RAB38: variants seen among roughly 807,000 people sequenced by gnomAD.
The protein encoded by RAB38 is RAB38, member RAS oncogene family, also known as ras-related protein Rab-38.
In RAB38, 15 loss-of-function variants were observed where a neutral mutation model predicts 18.4. The ratio of observed to expected loss-of-function variants is 0.82; its 90% CI spans 0.55 to 1.26. The LOEUF is 1.26. Ranked by LOEUF, RAB38 falls within the 50% of genes most tolerant of loss-of-function variation. The pLI, the probability that RAB38 is intolerant of heterozygous loss-of-function variation, is 0.00. For synonymous variants in RAB38, 101 were observed against 104.4 expected (o/e 0.97, Z 0.20); for missense variants, 294 against 267.4 (o/e 1.10, Z -0.69).
the RAB38 span, among the ~76,000 whole-genome samples, chr11:88,067,289 C>T: frequency 0.77 from 116,311 of 151,364 alleles, 44,831 homozygotes; most frequent in African/African-American, 0.82. Context: ...AACAAGTTTA[C>T]GTTATTTTAT....
chr11:88,155,634 G>T (rs566322290), intron 1 of RAB38, among the ~76,000 whole-genome samples: 9 of 152,310 alleles, frequency 5.9e-5, no homozygotes, highest in African/African-American at 1.9e-4. Flanking sequence ...TGAAAAATAT[G>T]AATGCAGTGA....
chr11:88,034,071 A>T, the RAB38 span, among the ~76,000 whole-genome samples: 2 of 152,076 alleles, frequency 1.3e-5, no homozygotes, highest in Admixed American at 1.3e-4. Context: ...CACATCCGCA[A>T]CACCTGGCAA....
chr11:87,818,649 A>G, the RAB38 span, among the ~76,000 whole-genome samples: 1 of 152,202 alleles, frequency 6.6e-6, no homozygotes, highest in Non-Finnish European at 1.5e-5. Context: ...TGAAACCCAA[A>G]TTTCACAACA....
chr11:88,017,310 CTCA>C, the RAB38 span, among the ~76,000 whole-genome samples: 5 of 151,726 alleles, frequency 3.3e-5, no homozygotes, highest in East Asian at 1.9e-4. Flanking sequence ...ATTTAGTGAT[CTCA>C]TCATATTCTC....
At chr11:88,169,128 AT>A (rs1943279073) in intron 1 of RAB38, among the ~76,000 whole-genome samples, 1 of 152,210 alleles carries the variant, frequency 6.6e-6, no homozygotes, top group African/African-American at 2.4e-5. Flanking sequence ...AGAGAGGCAT[AT>A]GTACTATCTG....
the RAB38 span, among the ~76,000 whole-genome samples, chr11:88,005,485 G>A: frequency 9.9e-5 from 15 of 151,014 alleles, no homozygotes; most frequent in African/African-American, 3.4e-4. Context: ...TATAGAAATT[G>A]TTTTTTATTA....
the RAB38 span, among the ~76,000 whole-genome samples, chr11:87,888,929 T>C: frequency 6.6e-5 from 10 of 151,932 alleles, no homozygotes; most frequent in African/African-American, 2.4e-4. Context: ...TGTCTGCAAG[T>C]GGTTCATTGT....
the RAB38 span, among the ~76,000 whole-genome samples, chr11:87,875,167 A>G: frequency 6.6e-6 from 1 of 151,486 alleles, no homozygotes; most frequent in Non-Finnish European, 1.5e-5. Flanking sequence ...AGTAAATTTT[A>G]AATGTCTTAG....
At chr11:87,891,649 T>C in the RAB38 span, among the ~76,000 whole-genome samples, 270 of 151,956 alleles carry the variant, frequency 1.8e-3, 1 homozygote, top group African/African-American at 5.9e-3. Context: ...CTCATCCCAG[T>C]GAATAGGCTG....
chr11:87,962,988 G>T, the RAB38 span, among the ~76,000 whole-genome samples: 2 of 152,024 alleles, frequency 1.3e-5, no homozygotes, highest in African/African-American at 4.8e-5. Flanking sequence ...TATCTCAGGG[G>T]TTCCATGAGG....
the RAB38 span, among the ~76,000 whole-genome samples, chr11:87,899,174 T>A: frequency 6.6e-6 from 1 of 151,636 alleles, no homozygotes; most frequent in South Asian, 2.1e-4. Context: ...TTATGAAGAA[T>A]GCAGTCCAGA....
Position 88,175,192 on chromosome 11 carries a change from C to A in RAB38, c.193G>T (p.Asp65Tyr), listed in dbSNP as rs1338478973. Residue 65 changes from aspartate to tyrosine, a missense_variant, in exon 1 of 3, where the codon GAT becomes TAT. Transcript: ENST00000243662. Reference protein sequence around the residue: ...PETVVRLQLWDIAGQERFGNM... With the variant: ...PETVVRLQLWYIAGQERFGNM... ...CTCCCCCCGCGCTCACCTGCGATAT[C>A]CCAGAGCTGCAGGCGCACCACAGTC... The A allele has an allele frequency of 6.2e-7, 1 of 1,609,160 alleles. No individual in the cohort carries two copies. The highest frequency in any genetic ancestry group is 1.1e-5 in the South Asian group (1 of 90,242).
chr11:87,950,182 C>CTGTT, the RAB38 span, among the ~76,000 whole-genome samples: 5 of 152,112 alleles, frequency 3.3e-5, no homozygotes, highest in Non-Finnish European at 5.9e-5. Context: ...GGTTTAAAGT[C>CTGTT]TGTTTTATCA....
chr11:88,121,571 T>G (rs945303050), intron 2 of RAB38, among the ~76,000 whole-genome samples: 1 of 152,214 alleles, frequency 6.6e-6, no homozygotes, highest in African/African-American at 2.4e-5. Context: ...GCTCTTTTTT[T>G]GTTTTTTGTG....
chr11:88,101,857 T>C, the RAB38 span, among the ~76,000 whole-genome samples: 1 of 151,746 alleles, frequency 6.6e-6, no homozygotes, highest in Non-Finnish European at 1.5e-5. Context: ...TATATTTATA[T>C]ACTATTAACA....
At chr11:88,030,712 G>C in the RAB38 span, among the ~76,000 whole-genome samples, 53 of 152,232 alleles carry the variant, frequency 3.5e-4, no homozygotes, top group East Asian at 7.7e-3. Context: ...CCAATAACAG[G>C]AGCTGAAATT....
chr11:87,911,740 T>C, the RAB38 span, among the ~76,000 whole-genome samples: 5 of 152,146 alleles, frequency 3.3e-5, no homozygotes, highest in South Asian at 1.0e-3. Context: ...CTGGCTAGTA[T>C]CATAATTATA....
chr11:88,154,446 A>G (rs193135251), intron 1 of RAB38, among the ~76,000 whole-genome samples: 5 of 152,248 alleles, frequency 3.3e-5, no homozygotes, highest in East Asian at 1.9e-4. Context: ...CTGGGCAGTA[A>G]TACTTGTAGC....
the RAB38 span, among the ~76,000 whole-genome samples, chr11:88,029,328 G>C: frequency 6.6e-6 from 1 of 150,556 alleles, no homozygotes; most frequent in Non-Finnish European, 1.5e-5. Flanking sequence ...CAACTAACGA[G>C]CAAAATAACC....
Sources: gnomAD v4.1 joint callset for allele counts (sites outside exome capture counted in the v4.1 genomes callset) on GRCh38, gnomAD v4.1.1 for gene constraint, MANE v1.5 for transcripts, NCBI Gene and HGNC (gene_info 2026-07-23, HGNC 2026-07-21) for gene names.